The following KCNK2 variants were observed in gnomAD, a reference collection of about 807,000 sequenced individuals.
KCNK2 encodes the protein potassium two pore domain channel subfamily K member 2.
KCNK2 carries 21 observed loss-of-function variants against 40.5 expected under a neutral mutation model. The ratio of observed to expected loss-of-function variants is 0.52; its 90% confidence interval spans 0.37 to 0.75. KCNK2 has a LOEUF of 0.75. KCNK2 is among the 30% of genes least tolerant of loss of function. The pLI, the probability that KCNK2 is intolerant of heterozygous loss-of-function variation, is 0.00. For synonymous variants in KCNK2, 191 were observed against 202.2 expected (o/e 0.94, Z 0.47); for missense variants, 399 against 531.6 (o/e 0.75, Z 2.45).
upstream of KCNK2, among the ~76,000 whole-genome samples, chr1:215,080,708 A>G (rs574980358): frequency 1.2e-4 from 18 of 152,218 alleles, no homozygotes; most frequent in Admixed American, 2.6e-4. Flanking sequence ...TAGATGAAAG[A>G]CGAGTTGACC....
intron 1 of KCNK2, among the ~76,000 whole-genome samples, chr1:215,016,520 A>T (rs1329203511): frequency 6.6e-6 from 1 of 152,184 alleles, no homozygotes; most frequent in Admixed American, 6.5e-5. Context: ...CAGTTACTTT[A>T]ATAAATCATG....
intron 1 of KCNK2, among the ~76,000 whole-genome samples, chr1:215,027,254 G>C (rs1657031730): frequency 6.6e-6 from 1 of 151,948 alleles, no homozygotes; most frequent in Admixed American, 6.6e-5. Context: ...TTATCTCACT[G>C]TTTTCATTGG....
chr1:215,007,185 GTATATATATATATATATATATATATATA>G lies in KCNK2; in HGVS notation c.34+1245_34+1272del, dbSNP rs1162302568. Among the ~76,000 whole-genome samples the G allele has an allele frequency of 1.6e-4, 5 of 31,028 alleles. No individual in the cohort carries two copies. The Admixed American group carries it at 2.0e-3, about 12-fold the overall frequency. The allele number at this position is 31,028 out of a possible 152,430, so 20.4% of individuals were successfully genotyped here. ...TGTATATATATATGTATGTGTGTGG[GTATATATATATATATATATATATATATA>G]TATATATATATATAGGCTCATTTCC... is the stretch of plus-strand genomic sequence containing the variant. On this transcript the variant is annotated intron_variant, in intron 1 of 6. Coordinates refer to the KCNK2 transcript ENST00000391895.
intron 1 of KCNK2, among the ~76,000 whole-genome samples, chr1:215,016,432 A>G: frequency 6.6e-6 from 1 of 152,174 alleles, no homozygotes. Flanking sequence ...AACAGAATAG[A>G]AAGCCTAGAA....
At chr1:215,167,029 G>C (rs1023342285) in intron 3 of KCNK2, among the ~76,000 whole-genome samples, 1 of 152,084 alleles carries the variant, frequency 6.6e-6, no homozygotes, top group Non-Finnish European at 1.5e-5. Flanking sequence ...CAGTAGATGA[G>C]TTGACTAGCA....
At chr1:215,157,914 A>G (rs4655394) in intron 3 of KCNK2, among the ~76,000 whole-genome samples, 87,927 of 151,978 alleles carry the variant, frequency 0.58, 27,397 homozygotes, top group Non-Finnish European at 0.69. Context: ...GAAGAGAGGG[A>G]AGAAAGCATC....
intron 3 of KCNK2, among the ~76,000 whole-genome samples, chr1:215,152,148 T>C (rs985253228): frequency 6.6e-6 from 1 of 152,142 alleles, no homozygotes; most frequent in African/African-American, 2.4e-5. Flanking sequence ...TATGGAGTTA[T>C]TTCAAGGCTT....
chr1:215,209,491 A>ATATATAT, intron 6 of KCNK2, among the ~76,000 whole-genome samples: 1 of 31,170 alleles, frequency 3.2e-5, no homozygotes, highest in African/African-American at 9.7e-5. Flanking sequence ...TATAATACAT[A>ATATATAT]TATATAATAT....
chr1:215,187,250 G>C (rs935530388), intron 5 of KCNK2, among the ~76,000 whole-genome samples: 2 of 152,138 alleles, frequency 1.3e-5, no homozygotes, highest in Non-Finnish European at 2.9e-5. Flanking sequence ...GATTTTAAAA[G>C]CATCAATAAT....
chr1:215,186,540 C>A (rs1023886080), intron 5 of KCNK2, among the ~76,000 whole-genome samples: 1 of 152,104 alleles, frequency 6.6e-6, no homozygotes, highest in Non-Finnish European at 1.5e-5. Context: ...AATACTTTGC[C>A]ATTTATCACT....
intron 3 of KCNK2, among the ~76,000 whole-genome samples, chr1:215,139,800 G>A (rs917392507): frequency 7.9e-5 from 12 of 151,934 alleles, no homozygotes; most frequent in South Asian, 2.1e-4. Flanking sequence ...CTTTTTCCCC[G>A]ATTTTTAAAA....
At chr1:215,054,003 G>A (rs1240904403) in intron 1 of KCNK2, among the ~76,000 whole-genome samples, 1 of 152,162 alleles carries the variant, frequency 6.6e-6, no homozygotes, top group African/African-American at 2.4e-5. Flanking sequence ...GTTGTGCTTT[G>A]AGTGTATTGA....
intron 5 of KCNK2, among the ~76,000 whole-genome samples, chr1:215,191,888 G>C (rs555585989): frequency 1.4e-4 from 21 of 152,208 alleles, no homozygotes; most frequent in African/African-American, 5.1e-4. Flanking sequence ...CTGCATCTCA[G>C]AAGTCTGTGG....
intron 3 of KCNK2, among the ~76,000 whole-genome samples, chr1:215,165,852 A>C (rs888415611): frequency 2.6e-5 from 4 of 152,082 alleles, no homozygotes; most frequent in Non-Finnish European, 5.9e-5. Flanking sequence ...CCCTGTTAAC[A>C]GATGAGGAAA....
chr1:215,042,124 C>T (rs75033129), intron 1 of KCNK2, among the ~76,000 whole-genome samples: 2,461 of 152,218 alleles, frequency 0.016, 64 homozygotes, highest in African/African-American at 0.056. Context: ...TCCCATGACT[C>T]GTGGGAATTA....
intron 2 of KCNK2, among the ~76,000 whole-genome samples, chr1:215,094,284 G>A (rs1659882706): frequency 2.0e-5 from 3 of 151,936 alleles, no homozygotes; most frequent in South Asian, 4.1e-4. Context: ...CCTGCAAAAT[G>A]TCTAAACATC....
intron 1 of KCNK2, among the ~76,000 whole-genome samples, chr1:215,017,872 G>A (rs144685836): frequency 3.3e-5 from 5 of 152,174 alleles, no homozygotes; most frequent in African/African-American, 1.2e-4. Flanking sequence ...AATAAATAGT[G>A]TCCAGCAGAC....
chr1:215,097,313 A>G (rs1248502632), intron 2 of KCNK2, among the ~76,000 whole-genome samples: 1 of 151,774 alleles, frequency 6.6e-6, no homozygotes, highest in Admixed American at 6.6e-5. Flanking sequence ...CTCTCAGGTT[A>G]GGACTTACAG....
At position 215,038,606 on chromosome 1, in the gene KCNK2, G is replaced by T. The variant is rs370897408; in HGVS notation, c.34+32651G>T. Among the ~76,000 whole-genome samples the T allele has an allele frequency of 9.8e-4, 149 of 152,024 alleles. 5 individuals carry two copies. The South Asian group carries it at 0.03, about 31-fold the overall frequency. On this transcript the variant is annotated intron_variant, in intron 1 of 6. Transcript: ENST00000391895. ...TTTTAATCTCTATATATCTAATTTTGTTCCCAATGAGTTTGCTAAGGGACA... is the reference window on the plus strand; with the variant it reads ...TTTTAATCTCTATATATCTAATTTTTTTCCCAATGAGTTTGCTAAGGGACA...
Sources: allele counts gnomAD v4.1 joint callset (sites outside exome capture counted in the v4.1 genomes callset), GRCh38; gene constraint gnomAD v4.1.1; transcripts MANE v1.5; gene names NCBI Gene and HGNC (gene_info 2026-07-23, HGNC 2026-07-21).